Variants in CNTN1 observed in about 807,000 individuals in gnomAD.
CNTN1 encodes the protein contactin 1.
A neutral mutation model predicts 126.4 loss-of-function variants in CNTN1; 38 were observed. That is an observed-to-expected ratio of 0.30 (90% confidence interval 0.23 to 0.39). The LOEUF is 0.39. Among genes scored for constraint, CNTN1 ranks in the 10% least tolerant of loss-of-function variants. CNTN1 has a pLI of 1.00. For synonymous variants in CNTN1, 413 were observed against 422.6 expected, an observed-to-expected ratio of 0.98 and a Z score of 0.28; for missense variants, 1,009 against 1,248.4, an observed-to-expected ratio of 0.81 and a Z score of 2.89.
At chr12:41,021,582 A>T (rs1262174258) in intron 20 of CNTN1, among the ~76,000 whole-genome samples, 1 of 151,648 alleles carries the variant, frequency 6.6e-6, no homozygotes, top group African/African-American at 2.4e-5. Context: ...TCTGAGATGT[A>T]GCTGTAAAAG....
intron 6 of CNTN1, among the ~76,000 whole-genome samples, chr12:40,926,171 G>GGATAGATAGATA (rs56862813): frequency 0.15 from 20,726 of 137,332 alleles, 1,747 homozygotes; most frequent in East Asian, 0.19. Flanking sequence ...TGCTAAATAA[G>GGATAGATAGATA]GATAGATAGA....
intron 15 of CNTN1, among the ~76,000 whole-genome samples, chr12:40,980,263 T>C (rs1425606608): frequency 2.0e-5 from 3 of 151,830 alleles, no homozygotes; most frequent in Admixed American, 2.0e-4. Context: ...TGAAACCCAG[T>C]CTCTGCAAAA....
intron 1 of CNTN1, among the ~76,000 whole-genome samples, chr12:40,770,794 T>C (rs1466959407): frequency 2.6e-5 from 4 of 152,124 alleles, no homozygotes; most frequent in Non-Finnish European, 5.9e-5. Flanking sequence ...CCTGACTTGA[T>C]TCATGCTTTT....
intron 1 of CNTN1, among the ~76,000 whole-genome samples, chr12:40,796,842 A>T (rs535559397): frequency 9.9e-5 from 15 of 152,244 alleles, no homozygotes; most frequent in African/African-American, 3.6e-4. Flanking sequence ...GGATCAAAGC[A>T]AGGTTAACAA....
chr12:40,939,979 A>G (rs1946208914), intron 12 of CNTN1, among the ~76,000 whole-genome samples: 1 of 152,198 alleles, frequency 6.6e-6, no homozygotes, highest in South Asian at 2.1e-4. Context: ...TCTTCCTTAT[A>G]AATGGACCAT....
Position 40,758,079 on chromosome 12 carries a change from TGGTGC to T in CNTN1, c.-77+65488_-77+65492del, listed in dbSNP as rs554433752. ...TTATTCATCTTCTTACACTTTAATT[TGGTGC>T]CTTAGAGAAAGAAATTTTTTCCACA... On this transcript the variant is annotated intron_variant, in intron 1 of 23. Transcript: ENST00000551295. Among the ~76,000 whole-genome samples the T allele has an allele frequency of 1.1e-4, 17 of 151,442 alleles. No homozygotes were observed. In the East Asian group the frequency reaches 2.1e-3, roughly 19 times the overall value.
At chr12:40,707,149 C>T (rs1941778002) in intron 1 of CNTN1, among the ~76,000 whole-genome samples, 1 of 151,922 alleles carries the variant, frequency 6.6e-6, no homozygotes, top group African/African-American at 2.4e-5. Context: ...ACCACAATGC[C>T]AGAGCCATCA....
intron 17 of CNTN1, among the ~76,000 whole-genome samples, chr12:41,012,855 A>G (rs1480445365): frequency 6.6e-6 from 1 of 152,192 alleles, no homozygotes; most frequent in African/African-American, 2.4e-5. Context: ...CGCTGGTATC[A>G]TGGATGAGGT....
At chr12:41,019,656 T>G (rs1407746899) in intron 19 of CNTN1, among the ~76,000 whole-genome samples, 1 of 152,174 alleles carries the variant, frequency 6.6e-6, no homozygotes, top group Non-Finnish European at 1.5e-5. Flanking sequence ...CAGAGACCTT[T>G]TTGATACATA....
intron 1 of CNTN1, among the ~76,000 whole-genome samples, chr12:40,891,586 T>A (rs180807057): frequency 1.2e-4 from 19 of 152,204 alleles, no homozygotes; most frequent in African/African-American, 4.3e-4. Context: ...GTAGCTAAAT[T>A]TTTTTTGTTG....
chr12:40,700,216 T>A (rs995099597), intron 1 of CNTN1, among the ~76,000 whole-genome samples: 3 of 152,134 alleles, frequency 2.0e-5, no homozygotes, highest in Non-Finnish European at 2.9e-5. Flanking sequence ...ACTTTTTTTT[T>A]AAAACTTGAA....
At chr12:40,899,091 A>G (rs1261190131) in intron 1 of CNTN1, among the ~76,000 whole-genome samples, 1 of 152,174 alleles carries the variant, frequency 6.6e-6, no homozygotes, top group Non-Finnish European at 1.5e-5. Flanking sequence ...GAGCTCTTGG[A>G]TCTGGCACTA....
In CNTN1 at chr12:40,871,997, T is replaced by C. The variant is rs149727899; in HGVS notation, c.-76-36360T>C. Among the ~76,000 whole-genome samples, 474 of 152,258 alleles carry C rather than the reference T, an allele frequency of 3.1e-3. 3 individuals are homozygous for C. Among genetic ancestry groups the C allele is most frequent in the African/African-American group, 0.011 (452 of 41,552 alleles). On this transcript the variant is annotated intron_variant, in intron 1 of 23. Coordinates refer to ENST00000551295, the MANE Select transcript of CNTN1 (RefSeq NM_001843.4). ...CACCACTGAATGAGATTGGATAGTC[T>C]TTGAGAGGAAATGATAAAAAACTAT...
intron 1 of CNTN1, among the ~76,000 whole-genome samples, chr12:40,830,928 TAC>T (rs1941803017): frequency 2.4e-5 from 1 of 41,754 alleles, no homozygotes; most frequent in Admixed American, 2.1e-4. Flanking sequence ...TAGTTACATA[TAC>T]ATATACATAT....
At chr12:40,952,770 T>C (rs1946735231) in intron 14 of CNTN1, among the ~76,000 whole-genome samples, 1 of 152,130 alleles carries the variant, frequency 6.6e-6, no homozygotes, top group South Asian at 2.1e-4. Context: ...ATATGACATA[T>C]TTGCTATAGT....
chr12:41,014,202 T>C (rs1463647471), intron 17 of CNTN1, 26 bp from the exon 18 acceptor site: 1 of 1,611,590 alleles, frequency 6.2e-7, no homozygotes, highest in African/African-American at 1.3e-5. Flanking sequence ...GTTGTTGTTT[T>C]GCATATATTT....
At chr12:40,838,540 A>T (rs1231111527) in intron 1 of CNTN1, among the ~76,000 whole-genome samples, 3 of 152,162 alleles carry the variant, frequency 2.0e-5, no homozygotes, top group Non-Finnish European at 4.4e-5. Flanking sequence ...AAAAATAGGC[A>T]AACTCAACCC....
At chr12:40,823,225 T>C (rs1941507536) in intron 1 of CNTN1, among the ~76,000 whole-genome samples, 1 of 152,200 alleles carries the variant, frequency 6.6e-6, no homozygotes, top group Admixed American at 6.6e-5. Context: ...TAACAGGGAC[T>C]ACTTGTTGGT....
At chr12:40,972,596 A>G (rs1168353598) in intron 15 of CNTN1, 1 of 800,886 alleles carries the variant, frequency 1.2e-6, no homozygotes, top group Non-Finnish European at 1.5e-6. Flanking sequence ...TTTATTAGTC[A>G]TCATAAAGAA....
Sources: allele counts gnomAD v4.1 joint callset (sites outside exome capture counted in the v4.1 genomes callset), GRCh38; gene constraint gnomAD v4.1.1; transcripts MANE v1.5; gene names NCBI Gene and HGNC (gene_info 2026-07-23, HGNC 2026-07-21).